The following LINGO2 variants were observed in gnomAD, a reference collection of about 807,000 sequenced individuals.
The protein encoded by LINGO2 is leucine rich repeat and Ig domain containing 2, also known as leucine-rich repeat and immunoglobulin-like domain-containing nogo receptor-interacting protein 2.
A neutral mutation model predicts 30.6 loss-of-function variants in LINGO2; 14 were observed. That is an observed-to-expected ratio of 0.46 (90% CI 0.30 to 0.72). The LOEUF (loss-of-function observed/expected upper bound fraction) is 0.72. Ranked by LOEUF, LINGO2 falls within the 30% of genes least tolerant of loss-of-function variation. LINGO2 has a pLI of 0.07. For synonymous variants in LINGO2, 317 were observed against 288.5 expected (o/e 1.10, Z -1.00); for missense variants, 729 against 751.7 (o/e 0.97, Z 0.35).
intron 5 of LINGO2, among the ~76,000 whole-genome samples, chr9:27,985,041 T>A (rs1162779166): frequency 1.3e-5 from 2 of 151,816 alleles, no homozygotes; most frequent in Admixed American, 1.3e-4. Context: ...ACGTTTCTCT[T>A]TGGACTCTGA....
the LINGO2 span, among the ~76,000 whole-genome samples, chr9:28,896,210 GC>G: frequency 1.3e-5 from 2 of 152,244 alleles, no homozygotes; most frequent in Admixed American, 1.3e-4. Flanking sequence ...ATAAGACAAT[GC>G]AGGCAACTTT....
the LINGO2 span, among the ~76,000 whole-genome samples, chr9:28,929,040 T>A: frequency 2.3e-4 from 35 of 152,286 alleles, no homozygotes; most frequent in African/African-American, 7.9e-4. Flanking sequence ...ACAAAAGCAA[T>A]TTCAAATTCA....
Position 28,276,544 on chromosome 9 carries a change from A to C in LINGO2, c.-87+18664T>G, listed in dbSNP as rs146088712. ...TCAACAAAGTCAGCATGGACTAAAA[A>C]ATATGTCTGTCTGCCACCATACTCT... On this transcript the variant is annotated intron_variant, in intron 4 of 5. Transcript: ENST00000379992. Among the ~76,000 whole-genome samples, 417 of 152,260 alleles carry C rather than the reference A, an allele frequency of 2.7e-3. 3 individuals carry two copies. Among genetic ancestry groups the C allele is most frequent in the African/African-American group, 9.7e-3 (403 of 41,554 alleles).
the LINGO2 span, among the ~76,000 whole-genome samples, chr9:29,170,124 C>T: frequency 2.0e-5 from 3 of 152,188 alleles, no homozygotes; most frequent in African/African-American, 4.8e-5. Flanking sequence ...AAAAAGAAAT[C>T]ACCGTATCAA....
the LINGO2 span, among the ~76,000 whole-genome samples, chr9:28,717,017 T>C: frequency 1.3e-5 from 2 of 152,054 alleles, no homozygotes; most frequent in Non-Finnish European, 2.9e-5. Flanking sequence ...GAAAATTTAA[T>C]ATAAGCTGTA....
rs1217114733 is a variant in LINGO2 at position 28,339,602 on chromosome 9, G to A, written c.-246+33234C>T. Among the ~76,000 whole-genome samples, 6 of 151,988 alleles carry A rather than the reference G, an allele frequency of 3.9e-5. No homozygotes were observed. The South Asian group carries it at 1.0e-3, about 26-fold the overall frequency. The stretch of plus-strand genomic sequence containing the variant: ...ATTTTCTGAACCTAACTTAAATTAG[G>A]CCCACTAAATAGTAATATTAGGATC... On this transcript the variant is annotated intron_variant, in intron 3 of 5. Coordinates refer to ENST00000379992, the Ensembl canonical transcript of LINGO2.
the LINGO2 span, among the ~76,000 whole-genome samples, chr9:29,166,433 C>T: frequency 6.6e-6 from 1 of 152,036 alleles, no homozygotes; most frequent in African/African-American, 2.4e-5. Flanking sequence ...CACGAACTCT[C>T]CAGTTATAGA....
At chr9:28,401,282 C>A (rs1822254419) in intron 2 of LINGO2, among the ~76,000 whole-genome samples, 1 of 151,986 alleles carries the variant, frequency 6.6e-6, no homozygotes, top group Admixed American at 6.6e-5. Flanking sequence ...TAAGCTCCCT[C>A]CCCTTACCCC....
the LINGO2 span, among the ~76,000 whole-genome samples, chr9:28,903,869 T>A: frequency 6.6e-6 from 1 of 151,742 alleles, no homozygotes. Context: ...ATTCATCCAA[T>A]GGGGCCTGCA....
intron 3 of LINGO2, among the ~76,000 whole-genome samples, chr9:28,361,721 A>C (rs1820452836): frequency 6.6e-6 from 1 of 152,044 alleles, no homozygotes; most frequent in Non-Finnish European, 1.5e-5. Flanking sequence ...CTAGATGTTC[A>C]TTTAATTAAT....
At chr9:28,435,853 A>G (rs2134982163) in intron 2 of LINGO2, among the ~76,000 whole-genome samples, 1 of 152,360 alleles carries the variant, frequency 6.6e-6, no homozygotes, top group South Asian at 2.1e-4. Context: ...TAGAATGAAC[A>G]AAACTTGGAA....
chr9:28,831,631 T>C, the LINGO2 span, among the ~76,000 whole-genome samples: 1 of 151,876 alleles, frequency 6.6e-6, no homozygotes, highest in East Asian at 1.9e-4. Flanking sequence ...CAAAGATTAG[T>C]AAAAAGTAAA....
At position 28,512,590 on chromosome 9, in the gene LINGO2, T is replaced by TAGATA. The variant is rs1397492262; in HGVS notation, c.-364-36566_-364-36565insTATCT. On this transcript the variant is annotated intron_variant, in intron 1 of 5. Transcript: ENST00000379992. ...GGACAGAACTAACAGGATATATATGTGTGTATATATATATATATATATATA... is the reference window on the plus strand; with the variant it reads ...GGACAGAACTAACAGGATATATATGTAGATAGTGTATATATATATATATATATATA... 7.7e-3 allele frequency among the ~76,000 whole-genome samples: 13 copies of TAGATA among 1,696 alleles called. 1 individual carries two copies. In the South Asian group the frequency reaches 0.1, roughly 13 times the overall value. 1.1% of individuals were successfully genotyped at this position (1,696 alleles called of 152,430 possible). A position where few individuals can be genotyped will look rare whatever the true frequency, so the allele number is the denominator to read the frequency against.
the LINGO2 span, among the ~76,000 whole-genome samples, chr9:28,940,972 A>C: frequency 1.3e-5 from 2 of 151,076 alleles, no homozygotes; most frequent in African/African-American, 4.9e-5. Flanking sequence ...TAAAAGGAAC[A>C]CTCATATTTA....
intron 4 of LINGO2, among the ~76,000 whole-genome samples, chr9:28,289,464 T>C (rs1287301884): frequency 6.6e-6 from 1 of 152,158 alleles, no homozygotes; most frequent in Non-Finnish European, 1.5e-5. Flanking sequence ...TGGATCAAAA[T>C]TATTTGTGCA....
At chr9:28,391,980 G>A (rs1242476730) in intron 2 of LINGO2, among the ~76,000 whole-genome samples, 6 of 152,208 alleles carry the variant, frequency 3.9e-5, no homozygotes, top group Middle Eastern at 3.4e-3. Flanking sequence ...AGGCCAAGGC[G>A]GATCACAGTC....
the LINGO2 span, among the ~76,000 whole-genome samples, chr9:29,161,756 A>T: frequency 6.6e-6 from 1 of 152,188 alleles, no homozygotes; most frequent in Non-Finnish European, 1.5e-5. Context: ...AGATAACTCA[A>T]AGAAAACAGT....
the LINGO2 span, among the ~76,000 whole-genome samples, chr9:28,891,549 T>C: frequency 2.6e-5 from 4 of 151,974 alleles, no homozygotes; most frequent in Admixed American, 1.3e-4. Flanking sequence ...ACTAATAACA[T>C]TGTCATTATA....
chr9:28,294,811 C>T lies in LINGO2; in HGVS notation c.-87+397G>A, dbSNP rs75369218. Among the ~76,000 whole-genome samples, 312 of 152,240 alleles carry T rather than the reference C, an allele frequency of 2.0e-3. 3 individuals are homozygous for T. The highest frequency in any genetic ancestry group is 3.4e-3 in the Non-Finnish European group (234 of 68,010). On this transcript the variant is annotated intron_variant, in intron 4 of 5. Coordinates refer to ENST00000379992, the Ensembl canonical transcript of LINGO2. ...TAACCTTGAAGCACATTTATAAGATCATATGCCATGAACTGATATTCACTT... is the reference window on the plus strand; with the variant it reads ...TAACCTTGAAGCACATTTATAAGATTATATGCCATGAACTGATATTCACTT...
Sources: allele counts gnomAD v4.1 joint callset (sites outside exome capture counted in the v4.1 genomes callset), GRCh38; gene constraint gnomAD v4.1.1; transcripts MANE v1.5; gene names NCBI Gene and HGNC (gene_info 2026-07-23, HGNC 2026-07-21).